The following GLOD4 variants were observed in gnomAD, a reference collection of about 807,000 sequenced individuals.
GLOD4 encodes glyoxalase domain containing 4.
A neutral mutation model predicts 39.1 loss-of-function variants in GLOD4; 44 were observed. The observed-to-expected ratio is 1.13, with a 90% CI of 0.88 to 1.45. The LOEUF (loss-of-function observed/expected upper bound fraction) is 1.45, where lower values mean the gene tolerates loss of function less well. GLOD4 is among the 40% of genes most tolerant of loss of function. The probability of loss-of-function intolerance (pLI) is 0.00; values close to 1 mark genes in which losing one functional copy is unlikely to be tolerated. For missense variants in GLOD4, 405 were observed against 366.4 expected, an observed-to-expected ratio of 1.11 and a Z score of -0.86; for synonymous variants, 145 against 135.0, an observed-to-expected ratio of 1.07 and a Z score of -0.52.
At chr17:785,170 A>T (rs1567799137), upstream of GLOD4, among the ~76,000 whole-genome samples, 1 of 152,190 alleles carries the variant, frequency 6.6e-6, no homozygotes, top group Admixed American at 6.5e-5. Flanking sequence ...GCTTAAAAAA[A>T]AAAGCTTACT....
chr17:773,520 T>TGTGTG (rs1279764466), intron 4 of GLOD4, among the ~76,000 whole-genome samples: 6 of 150,370 alleles, frequency 4.0e-5, no homozygotes, highest in East Asian at 2.0e-4. Flanking sequence ...GTGTGTGTGT[T>TGTGTG]TTTTTTCAGC....
chr17:766,591 G>A (rs748358668), intron 8 of GLOD4, among the ~76,000 whole-genome samples: 38 of 151,196 alleles, frequency 2.5e-4, no homozygotes, highest in East Asian at 9.8e-4. Flanking sequence ...GCAAGAATCC[G>A]TCTCAAAAAA....
chr17:775,992 C>A lies in GLOD4; in HGVS notation c.262-73G>T, dbSNP rs1482415993. 11 of 1,179,056 alleles carry A rather than the reference C, an allele frequency of 9.3e-6. 1 individual carries two copies. Among genetic ancestry groups the A allele is most frequent in the South Asian group, 5.3e-5 (4 of 74,946 alleles). 73.0% of individuals were successfully genotyped at this position (1,179,056 alleles called of 1,614,324 possible). A position where few individuals can be genotyped will look rare whatever the true frequency, so the allele number is the denominator to read the frequency against. On this transcript the variant is annotated intron_variant, in intron 3 of 8. Coordinates refer to ENST00000301329, the MANE Select transcript of GLOD4 (RefSeq NM_016080.4). ...TTACAGAACAAGACAATGAGCCCAA[C>A]CCCTATTGCCTACTGCCTTTAGGTA...
At chr17:772,836 A>C (rs1388692860) in intron 4 of GLOD4, among the ~76,000 whole-genome samples, 1 of 152,176 alleles carries the variant, frequency 6.6e-6, no homozygotes, top group Non-Finnish European at 1.5e-5. Flanking sequence ...TCTACTAAAA[A>C]TACAAAAAAT....
intron 3 of GLOD4, 151 bp downstream of exon 3, chr17:776,717 C>A (rs920643034): frequency 4.6e-6 from 3 of 652,614 alleles, no homozygotes; most frequent in Non-Finnish European, 8.2e-6. Flanking sequence ...CGCGCATCCC[C>A]CAGATATCCA....
upstream of GLOD4, among the ~76,000 whole-genome samples, chr17:784,569 A>T (rs1186260021): frequency 6.6e-6 from 1 of 152,038 alleles, no homozygotes; most frequent in Admixed American, 6.6e-5. Flanking sequence ...CACTTGGGGC[A>T]GGTGTGCTTA....
intron 1 of GLOD4, among the ~76,000 whole-genome samples, chr17:781,089 T>C (rs2144491728): frequency 6.6e-6 from 1 of 152,028 alleles, no homozygotes; most frequent in East Asian, 2.0e-4. Context: ...CCCGGCTAAT[T>C]TTTGTATTTT....
intron 4 of GLOD4, among the ~76,000 whole-genome samples, chr17:775,208 T>C (rs1597585550): frequency 6.7e-6 from 1 of 149,638 alleles, no homozygotes; most frequent in Admixed American, 6.7e-5. Context: ...GAGGCAGAGG[T>C]TGCAGTGAGC....
rs573431295 is a variant in GLOD4 at position 759,467 on chromosome 17, G to A, written c.*706C>T. ...CCTTTTTTTTCAGGCTGAAGAAATC[G>A]TTTAATCCATTTTAAAGAAATCTCA... On this transcript the variant is annotated 3_prime_UTR_variant, in exon 9 of 9. Transcript: ENST00000301329. 3.9e-5 allele frequency: 6 copies of A among 151,916 alleles called. No homozygotes were observed. Among genetic ancestry groups the A allele is most frequent in the South Asian group, 2.1e-4 (1 of 4,812 alleles). The allele number at this position is 151,916 out of a possible 1,614,324, so 9.4% of individuals were successfully genotyped here.
intron 8 of GLOD4, among the ~76,000 whole-genome samples, chr17:769,562 T>C (rs1907556714): frequency 1.3e-5 from 2 of 150,340 alleles, no homozygotes; most frequent in Admixed American, 1.3e-4. Context: ...GATGGAGGCA[T>C]CTCCATGGGG....
chr17:775,730 A>C, intron 4 of GLOD4, 45 bp downstream of exon 4: 1 of 1,542,314 alleles, frequency 6.5e-7, no homozygotes, highest in Non-Finnish European at 8.9e-7. Flanking sequence ...CCTTTCACCA[A>C]AGATGCCTTT....
chr17:770,104 G>A lies in GLOD4; in HGVS notation c.684C>T (p.Pro228=). 1 of 1,613,164 alleles carries A rather than the reference G, an allele frequency of 6.2e-7. No individual in the cohort carries two copies. The highest frequency in any genetic ancestry group is 1.7e-4 in the Middle Eastern group (1 of 6,058). ...TCCCTGGGGTGTCCAGGCTCACCAGGGGAGTCAGAATCTTCTGGTTCTCCC... is the reference window on the plus strand; with the variant it reads ...TCCCTGGGGTGTCCAGGCTCACCAGAGGAGTCAGAATCTTCTGGTTCTCCC... The part of the protein sequence containing the change: ...MKRENQKILT[P]LVSLDTPGKA... The change falls in exon 7 of 9, where the codon CCC becomes CCT. Residue 228 remains proline (P), a synonymous_variant. Coordinates refer to ENST00000301329, the MANE Select transcript of GLOD4 (RefSeq NM_016080.4).
upstream of GLOD4, chr17:783,464 G>A: frequency 1.2e-6 from 1 of 840,288 alleles, no homozygotes; most frequent in Non-Finnish European, 1.7e-6. Context: ...AGCCTCCGCA[G>A]TAGCTGGGAT....
chr17:778,853 T>C (rs1909389846), intron 1 of GLOD4, 109 bp from the exon 2 acceptor site: 8 of 659,434 alleles, frequency 1.2e-5, no homozygotes, highest in African/African-American at 3.6e-5. Flanking sequence ...TAAGCTTTAC[T>C]TGTAAAAGAA....
intron 1 of GLOD4, among the ~76,000 whole-genome samples, chr17:779,269 G>A (rs992787482): frequency 4.4e-5 from 6 of 137,556 alleles, no homozygotes; most frequent in Admixed American, 8.1e-5. Context: ...AGCCGAGATC[G>A]TGCCCCTGCA....
chr17:779,151 C>T (rs1287892963), intron 1 of GLOD4, among the ~76,000 whole-genome samples: 1 of 151,812 alleles, frequency 6.6e-6, no homozygotes, highest in Admixed American at 6.6e-5. Flanking sequence ...CCCGTCTCAA[C>T]TAAAAATACA....
At chr17:776,832 C>G (rs1444430543) in intron 3 of GLOD4, 36 bp downstream of exon 3, 1 of 1,572,374 alleles carries the variant, frequency 6.4e-7, no homozygotes, top group South Asian at 1.1e-5. Flanking sequence ...CCACCTACCC[C>G]CAGCCAAAAC....
At chr17:782,405 G>A (rs762423522), upstream of GLOD4, 1 of 1,613,890 alleles carries the variant, frequency 6.2e-7, no homozygotes, top group Non-Finnish European at 8.5e-7. Flanking sequence ...GACCCGCGAG[G>A]TTTGTCGTGC....
intron 8 of GLOD4, among the ~76,000 whole-genome samples, chr17:767,608 A>G (rs1906854914): frequency 6.6e-6 from 1 of 151,296 alleles, no homozygotes; most frequent in Admixed American, 6.6e-5. Flanking sequence ...TCTAGAGAGG[A>G]CGTGAGAGAG....
Sources: gnomAD v4.1 joint callset for allele counts (sites outside exome capture counted in the v4.1 genomes callset) on GRCh38, gnomAD v4.1.1 for gene constraint, MANE v1.5 for transcripts, NCBI Gene and HGNC (gene_info 2026-07-23, HGNC 2026-07-21) for gene names.